The following SH3YL1 variants were observed in gnomAD, a reference collection of about 807,000 sequenced individuals.
SH3YL1 encodes the protein SH3 domain-containing YSC84-like protein 1.
SH3YL1 carries 41 observed loss-of-function variants against 45.8 expected under a neutral mutation model. That is an observed-to-expected ratio of 0.89 (90% confidence interval 0.70 to 1.16). SH3YL1 has a LOEUF of 1.16. SH3YL1 is among the 50% of genes most tolerant of loss of function. SH3YL1 has a pLI of 0.00. For missense variants in SH3YL1, 389 were observed against 409.6 expected, an observed-to-expected ratio of 0.95 and a Z score of 0.43; for synonymous variants, 152 against 151.4, an observed-to-expected ratio of 1.00 and a Z score of -0.03.
chr2:244,528 AAAG>A (rs1668700547), intron 4 of SH3YL1: 1 of 147,054 alleles, frequency 6.8e-6, no homozygotes, highest in Non-Finnish European at 1.5e-5. Context: ...AAGAAAAGAA[AAAG>A]AAAGAAAGAA....
intron 1 of SH3YL1, among the ~76,000 whole-genome samples, chr2:254,296 G>T (rs1021112664): frequency 1.3e-5 from 2 of 152,130 alleles, no homozygotes; most frequent in African/African-American, 4.8e-5. Context: ...ACTCATCAGA[G>T]GGCTTGTCAT....
At chr2:264,036 G>A (rs569244645), upstream of SH3YL1, 257 of 1,382,118 alleles carry the variant, frequency 1.9e-4, no homozygotes, top group Non-Finnish European at 2.3e-4. Flanking sequence ...GGAAGAGGAA[G>A]GCGCGCTGCC....
intron 4 of SH3YL1, among the ~76,000 whole-genome samples, chr2:235,375 C>A (rs1367042937): frequency 8.8e-6 from 1 of 113,676 alleles, no homozygotes; most frequent in Non-Finnish European, 1.9e-5. Context: ...CCAGGGGAGG[C>A]AGCAGCATGG....
Position 233,230 on chromosome 2 carries a change from C to A in SH3YL1, c.405-1G>T. On this transcript the variant is annotated splice_acceptor_variant, in intron 5 of 9. Coordinates refer to ENST00000356150, the MANE Select transcript of SH3YL1 (RefSeq NM_015677.4). LOFTEE classifies it high-confidence loss of function. ...CAGGGCCACGTTTCCTTCCAAGTTCCTGCAAAGCACAAGATTTTGCATCAC... is the reference window on the plus strand; with the variant it reads ...CAGGGCCACGTTTCCTTCCAAGTTCATGCAAAGCACAAGATTTTGCATCAC... 1 of 1,563,058 alleles carries A rather than the reference C, an allele frequency of 6.4e-7. No individual in the cohort carries two copies. The highest frequency in any genetic ancestry group is 1.2e-5 in the South Asian group (1 of 83,178).
intron 1 of SH3YL1, chr2:262,740 G>C (rs1210061125): frequency 8.1e-7 from 1 of 1,232,222 alleles, no homozygotes; most frequent in Non-Finnish European, 1.1e-6. Flanking sequence ...TGACATGCCA[G>C]ATCCTTATTT....
chr2:234,277 A>C lies in SH3YL1; in HGVS notation c.292-5T>G. 6.2e-7 allele frequency: 1 copy of C among 1,601,576 alleles called. No individual in the cohort carries two copies. The highest frequency in any genetic ancestry group is 8.5e-7 in the Non-Finnish European group (1 of 1,173,636). On this transcript the variant is annotated splice_region_variant and splice_polypyrimidine_tract_variant and intron_variant, in intron 4 of 9. Transcript: ENST00000356150. ...AATTATCACCAAGTCTGATACCTAA[A>C]GTGTAGAAACCCATGGATTTAAAAA...
intron 2 of SH3YL1, among the ~76,000 whole-genome samples, chr2:250,181 T>C (rs373008559): frequency 1.3e-5 from 2 of 152,134 alleles, no homozygotes; most frequent in Non-Finnish European, 2.9e-5. Flanking sequence ...ATTTAGGATA[T>C]AGTACATAAA....
At chr2:263,871 G>C (rs1669714427) in intron 1 of SH3YL1, 113 bp downstream of exon 1, 1 of 889,426 alleles carries the variant, frequency 1.1e-6, no homozygotes, top group Admixed American at 2.2e-5. Context: ...TAACAGACGC[G>C]CGACCTAGAA....
At chr2:255,454 A>G (rs1669275006) in intron 1 of SH3YL1, among the ~76,000 whole-genome samples, 1 of 152,184 alleles carries the variant, frequency 6.6e-6, no homozygotes, top group African/African-American at 2.4e-5. Flanking sequence ...TTAAAAAATT[A>G]GCCAGTCATG....
Position 218,492 on chromosome 2 carries a change from C to G in SH3YL1, c.*319G>C. On this transcript the variant is annotated 3_prime_UTR_variant, in exon 10 of 10. Transcript: ENST00000356150. ...AATTTGTGGCTCTACCCTCAAGATTCTCAAATTAAAACACAGCTACCATAT... is the reference window on the plus strand; with the variant it reads ...AATTTGTGGCTCTACCCTCAAGATTGTCAAATTAAAACACAGCTACCATAT... 4.8e-6 allele frequency: 1 copy of G among 206,308 alleles called. No individual in the cohort carries two copies. The highest frequency in any genetic ancestry group is 2.3e-5 in the African/African-American group (1 of 43,724). 12.8% of individuals were successfully genotyped at this position (206,308 alleles called of 1,614,324 possible). A position where few individuals can be genotyped will look rare whatever the true frequency, so the allele number is the denominator to read the frequency against.
intron 4 of SH3YL1, chr2:243,519 C>A: frequency 6.5e-7 from 1 of 1,540,718 alleles, no homozygotes; most frequent in Non-Finnish European, 8.7e-7. Flanking sequence ...TTATGGAAGG[C>A]AGCCAGGGCA....
intron 4 of SH3YL1, chr2:243,472 T>A (rs1232007324): frequency 6.7e-7 from 1 of 1,494,304 alleles, no homozygotes; most frequent in Admixed American, 2.5e-5. Context: ...GATAATATTT[T>A]GAGATTAAGG....
chr2:232,251 T>A (rs76729683), intron 6 of SH3YL1, among the ~76,000 whole-genome samples: 4 of 151,938 alleles, frequency 2.6e-5, no homozygotes, highest in Admixed American at 6.5e-5. Flanking sequence ...TTTTTTTTTT[T>A]AAATCAAACT....
chr2:233,350 T>G (rs77359242), intron 5 of SH3YL1, 121 bp from the exon 6 acceptor site: 180 of 1,128,720 alleles, frequency 1.6e-4, no homozygotes, highest in Non-Finnish European at 2.0e-4. Flanking sequence ...CTTCAGCTGT[T>G]TCTATGTTTT....
In SH3YL1 at chr2:229,961, T is replaced by C. The variant is rs763999529; in HGVS notation, c.781+5A>G. 8.7e-6 allele frequency: 14 copies of C among 1,609,772 alleles called. No individual in the cohort carries two copies. The South Asian group carries it at 1.4e-4, about 16-fold the overall frequency. On this transcript the variant is annotated splice_donor_5th_base_variant and intron_variant, in intron 8 of 9. Transcript: ENST00000356150. ...CTGTATTTGAATTGCAACAAAAATA[T>C]TTACTTTGAGAGCCAGAGTTCAGCT...
chr2:223,981 C>T (rs368847065), intron 9 of SH3YL1, among the ~76,000 whole-genome samples: 2 of 152,142 alleles, frequency 1.3e-5, no homozygotes, highest in African/African-American at 2.4e-5. Flanking sequence ...GCTTAAGAGA[C>T]CTTTTCAACA....
chr2:222,879 G>GT (rs1667634974), intron 9 of SH3YL1: 1 of 152,254 alleles, frequency 6.6e-6, no homozygotes, highest in African/African-American at 2.4e-5. Flanking sequence ...CTGGGGCCAT[G>GT]TAACTGTGAC....
chr2:243,690 T>A, intron 4 of SH3YL1: 1 of 1,043,896 alleles, frequency 9.6e-7, no homozygotes, highest in Non-Finnish European at 1.3e-6. Context: ...CTTAGTACCT[T>A]AAGTTTCTTC....
intron 1 of SH3YL1, among the ~76,000 whole-genome samples, chr2:254,800 G>T (rs994172801): frequency 5.9e-5 from 9 of 152,176 alleles, no homozygotes; most frequent in Non-Finnish European, 1.0e-4. Flanking sequence ...CTCTGCTCAC[G>T]TGAGACAAAT....
Sources: gnomAD v4.1 joint callset for allele counts (sites outside exome capture counted in the v4.1 genomes callset) on GRCh38, gnomAD v4.1.1 for gene constraint, MANE v1.5 for transcripts, NCBI Gene and HGNC (gene_info 2026-07-23, HGNC 2026-07-21) for gene names.